The following TNNI3K variants were observed in gnomAD, a reference collection of about 807,000 sequenced individuals.
TNNI3K encodes serine/threonine-protein kinase TNNI3K.
Under a neutral mutation model 114.5 loss-of-function variants are expected in TNNI3K, and 140 were observed. The ratio of observed to expected loss-of-function variants is 1.22; its 90% CI spans 1.07 to 1.41. The LOEUF is 1.41. TNNI3K is among the 40% of genes most tolerant of loss of function. The pLI is 0.00. For synonymous variants in TNNI3K, 347 were observed against 347.5 expected (o/e 1.00, Z 0.02); for missense variants, 1,125 against 1,007.6 (o/e 1.12, Z -1.58).
intron 11 of TNNI3K, among the ~76,000 whole-genome samples, chr1:74,365,950 CTT>C (rs770319178): frequency 2.8e-5 from 4 of 143,516 alleles, no homozygotes. Flanking sequence ...AATCACAATG[CTT>C]TTTTTTTTTT....
chr1:74,436,647 A>T (rs1483619751), intron 19 of TNNI3K, 121 bp downstream of exon 19: 8 of 985,874 alleles, frequency 8.1e-6, no homozygotes, highest in Non-Finnish European at 1.1e-5. Flanking sequence ...CAGTGTTGGG[A>T]TAATGGCTTA....
intron 11 of TNNI3K, among the ~76,000 whole-genome samples, chr1:74,356,926 A>C (rs1023981448): frequency 2.6e-5 from 4 of 152,214 alleles, no homozygotes; most frequent in African/African-American, 7.2e-5. Context: ...GTTGTTGCTC[A>C]GAAGACAGAT....
At chr1:74,448,928 T>A (rs1666847810) in intron 20 of TNNI3K, among the ~76,000 whole-genome samples, 1 of 64,108 alleles carries the variant, frequency 1.6e-5, no homozygotes, top group Admixed American at 2.0e-4. Context: ...AATTCTCTTT[T>A]TTGGTTGTGT....
chr1:74,331,561 G>A lies in TNNI3K; in HGVS notation c.543+13G>A. On this transcript the variant is annotated intron_variant, in intron 6 of 24. Transcript: ENST00000326637. ...TGGACATGAACAGGTAAGTCTGACA[G>A]TAGGATTTCCAAAGGTTAGGTGTTG... is the stretch of plus-strand genomic sequence containing the variant. 1 of 1,605,672 alleles carries A rather than the reference G, an allele frequency of 6.2e-7. No homozygotes were observed. Among genetic ancestry groups the A allele is most frequent in the South Asian group, 1.1e-5 (1 of 89,794 alleles).
intron 20 of TNNI3K, among the ~76,000 whole-genome samples, chr1:74,454,579 T>C (rs1309681386): frequency 6.6e-6 from 1 of 152,200 alleles, no homozygotes; most frequent in Non-Finnish European, 1.5e-5. Flanking sequence ...ATAATATTCC[T>C]TGTGAATATG....
chr1:74,483,389 A>G, intron 21 of TNNI3K: 1 of 716,932 alleles, frequency 1.4e-6, no homozygotes, highest in Non-Finnish European at 2.6e-6. Flanking sequence ...AAAGGAAAGT[A>G]GAGGGCAATG....
intron 21 of TNNI3K, chr1:74,464,792 G>A (rs1289753534): frequency 2.0e-6 from 3 of 1,525,014 alleles, no homozygotes; most frequent in Non-Finnish European, 2.6e-6. Context: ...TATTTGTTTA[G>A]AATCTTCCAT....
At chr1:74,310,605 G>A (rs961499815) in intron 5 of TNNI3K, among the ~76,000 whole-genome samples, 8 of 152,014 alleles carry the variant, frequency 5.3e-5, no homozygotes, top group African/African-American at 9.7e-5. Context: ...GTTTGGTACT[G>A]GTACAAAGAT....
chr1:74,472,309 A>G, intron 21 of TNNI3K: 1 of 611,862 alleles, frequency 1.6e-6, no homozygotes. Flanking sequence ...TCCTCTGATA[A>G]TTGCAGTTCT....
At chr1:74,283,106 T>G (rs1657112339) in intron 5 of TNNI3K, among the ~76,000 whole-genome samples, 1 of 152,208 alleles carries the variant, frequency 6.6e-6, no homozygotes, top group Non-Finnish European at 1.5e-5. Flanking sequence ...ACCTTCATTT[T>G]AAACAGTTAA....
intron 23 of TNNI3K, among the ~76,000 whole-genome samples, chr1:74,518,873 C>CTTTTTTTTTTTTTTTTTTT (rs1646388103): frequency 1.0e-5 from 1 of 100,358 alleles, no homozygotes; most frequent in African/African-American, 5.2e-5. Context: ...TTTTTTTTCC[C>CTTTTTTTTTTTTTTTTTTT]CTTTTTTTTT....
At chr1:74,343,296 G>A in intron 9 of TNNI3K, 117 bp downstream of exon 9, 1 of 1,125,796 alleles carries the variant, frequency 8.9e-7, no homozygotes, top group Non-Finnish European at 1.3e-6. Flanking sequence ...GAGAGCAATA[G>A]CAGAGGTAGG....
chr1:74,417,782 A>T (rs1665201388), intron 17 of TNNI3K, among the ~76,000 whole-genome samples: 1 of 151,790 alleles, frequency 6.6e-6, no homozygotes, highest in Non-Finnish European at 1.5e-5. Flanking sequence ...AAAAGGAAGG[A>T]AGTAAATATC....
At position 74,259,140 on chromosome 1, in the gene TNNI3K, A is replaced by G. The variant is rs368330825; in HGVS notation, c.333+8371A>G. Reference sequence around the variant, plus strand: ...GATTAATGGATCTATCTATCTATCTATCTATCTAATCTAGAGACATATTTA... The same window carrying G: ...GATTAATGGATCTATCTATCTATCTGTCTATCTAATCTAGAGACATATTTA... On this transcript the variant is annotated intron_variant, in intron 4 of 24. Transcript: ENST00000326637. 7.2e-5 allele frequency among the ~76,000 whole-genome samples: 11 copies of G among 152,212 alleles called. No individual in the cohort carries two copies. The East Asian group carries it at 2.1e-3, about 29-fold the overall frequency.
Position 74,236,228 on chromosome 1 carries a change from A to G in TNNI3K, c.149+18A>G. 1 of 1,590,340 alleles carries G rather than the reference A, an allele frequency of 6.3e-7. No homozygotes were observed. The highest frequency in any genetic ancestry group is 8.6e-7 in the Non-Finnish European group (1 of 1,165,366). On this transcript the variant is annotated intron_variant, in intron 2 of 24. Coordinates refer to ENST00000326637, the MANE Select transcript of TNNI3K (RefSeq NM_015978.3). ...ATATTTGGGTAAAGTTGTAAGAGTC[A>G]TTATTTCTTTGTATAAGTGTCTTCA... is the stretch of plus-strand genomic sequence containing the variant.
intron 11 of TNNI3K, 48 bp from the exon 12 acceptor site, chr1:74,367,208 A>C (rs1662319119): frequency 6.3e-7 from 1 of 1,598,324 alleles, no homozygotes; most frequent in Non-Finnish European, 8.5e-7. Flanking sequence ...AGACTGAATA[A>C]CTTAAACAAA....
intron 11 of TNNI3K, among the ~76,000 whole-genome samples, chr1:74,361,164 A>G (rs1168262751): frequency 6.6e-6 from 1 of 152,122 alleles, no homozygotes; most frequent in Non-Finnish European, 1.5e-5. Context: ...CAGGCAAAAT[A>G]TTTTAAAATA....
intron 23 of TNNI3K, among the ~76,000 whole-genome samples, chr1:74,500,691 A>T (rs1485268910): frequency 2.7e-5 from 4 of 149,600 alleles, no homozygotes; most frequent in Admixed American, 6.7e-5. Flanking sequence ...GGAAGTAAAC[A>T]AATGAAAAAC....
intron 17 of TNNI3K, among the ~76,000 whole-genome samples, chr1:74,426,918 A>G (rs667343): frequency 0.042 from 6,400 of 152,196 alleles, 203 homozygotes; most frequent in African/African-American, 0.083. Context: ...GGGAAAAAAG[A>G]GTAAGTAATA....
Sources: allele counts gnomAD v4.1 joint callset (sites outside exome capture counted in the v4.1 genomes callset), GRCh38; gene constraint gnomAD v4.1.1; transcripts MANE v1.5; gene names NCBI Gene and HGNC (gene_info 2026-07-23, HGNC 2026-07-21).